The following AKR1C1 variants were observed in gnomAD, a reference collection of about 807,000 sequenced individuals.
The protein encoded by AKR1C1 is aldo-keto reductase family 1 member C1.
AKR1C1 carries 32 observed loss-of-function variants against 40.6 expected under a neutral mutation model. The ratio of observed to expected loss-of-function variants is 0.79; its 90% CI spans 0.60 to 1.06. AKR1C1 has a LOEUF of 1.06. Among genes scored for constraint, AKR1C1 ranks in the 50% least tolerant of loss-of-function variants. AKR1C1 has a pLI of 0.00. For synonymous variants in AKR1C1, 105 were observed against 134.2 expected (o/e 0.78, Z 1.50); for missense variants, 320 against 363.5 (o/e 0.88, Z 0.97).
At chr10:4,974,427 T>C (rs1249154400) in intron 7 of AKR1C1, among the ~76,000 whole-genome samples, 1 of 152,092 alleles carries the variant, frequency 6.6e-6, no homozygotes, top group Non-Finnish European at 1.5e-5. Flanking sequence ...AACAAAAGTT[T>C]CTATCCTTCA....
intron 5 of AKR1C1, chr10:4,969,649 C>A: frequency 6.2e-7 from 1 of 1,607,268 alleles, no homozygotes; most frequent in Non-Finnish European, 8.5e-7. Context: ...TTAAACACAT[C>A]TATTCTCTAT....
At chr10:4,975,519 T>C (rs1186080890) in intron 7 of AKR1C1, among the ~76,000 whole-genome samples, 1 of 152,168 alleles carries the variant, frequency 6.6e-6, no homozygotes, top group Non-Finnish European at 1.5e-5. Context: ...CATTACAAAA[T>C]TTGCCTCTAG....
intron 3 of AKR1C1, 179 bp from the exon 4 acceptor site, chr10:4,968,130 C>G (rs1039993748): frequency 2.8e-6 from 3 of 1,075,358 alleles, no homozygotes; most frequent in East Asian, 2.6e-5. Context: ...TTAGAGGGAG[C>G]CTGTCACCTG....
intron 2 of AKR1C1, 101 bp downstream of exon 2, chr10:4,966,182 T>C: frequency 6.7e-7 from 1 of 1,503,232 alleles, no homozygotes; most frequent in Non-Finnish European, 8.9e-7. Flanking sequence ...GAATTGTGCT[T>C]ATTTATTACG....
At chr10:4,966,860 G>A in intron 2 of AKR1C1, 67 bp from the exon 3 acceptor site, 4 of 1,413,034 alleles carry the variant, frequency 2.8e-6, no homozygotes, top group Non-Finnish European at 2.9e-6. Flanking sequence ...CTAAATATTA[G>A]GTGGAGCAAA....
At chr10:4,967,475 T>C in intron 3 of AKR1C1, 1 of 989,882 alleles carries the variant, frequency 1.0e-6, no homozygotes, top group Non-Finnish European at 1.2e-6. Flanking sequence ...CGGGAGTGTC[T>C]TAAACTACAG....
intron 7 of AKR1C1, among the ~76,000 whole-genome samples, chr10:4,973,074 C>T (rs1229404961): frequency 2.6e-5 from 4 of 151,930 alleles, no homozygotes; most frequent in South Asian, 2.1e-4. Flanking sequence ...CAACTCATGG[C>T]GGATTTTTCT....
At chr10:4,973,347 A>T (rs1836469663) in intron 7 of AKR1C1, among the ~76,000 whole-genome samples, 1 of 152,130 alleles carries the variant, frequency 6.6e-6, no homozygotes. Context: ...AACTCAGTCC[A>T]TTCCTTCTGT....
chr10:4,983,085 T>C lies in AKR1C1; in HGVS notation c.*5343T>C. On this transcript the variant is annotated 3_prime_UTR_variant, in exon 9 of 9. Coordinates refer to ENST00000380872, the MANE Select transcript of AKR1C1 (RefSeq NM_001353.6). ...TGAGGTGAAGCCTGGGCTGGATGGC[T>C]GGAGGATGAAGAACTGCACGGAGGA... 2.9e-6 allele frequency: 1 copy of C among 348,658 alleles called. No homozygotes were observed. The highest frequency in any genetic ancestry group is 2.3e-5 in the South Asian group (1 of 43,558). The allele number at this position is 348,658 out of a possible 1,614,324, so 21.6% of individuals were successfully genotyped here.
chr10:4,968,340 A>G lies in AKR1C1; in HGVS notation c.401A>G (p.Asn134Ser), dbSNP rs1241860037. 1.1e-5 allele frequency: 18 copies of G among 1,572,150 alleles called. No individual in the cohort carries two copies. The highest frequency in any genetic ancestry group is 1.0e-5 in the Non-Finnish European group (12 of 1,154,498). Residue 134 changes from asparagine (N) to serine (S), a missense_variant, in exon 4 of 9, where the codon AAT (asparagine) becomes AGT (serine). By Grantham distance (46) the Asn-to-Ser change is conservative. Around this residue, in one of 3 missense-constraint regions of AKR1C1, gnomAD observed 214 missense variants for 214.8 expected, o/e 1.00. Transcript: ENST00000380872. ...PGEEVIPKDE[N>S]GKILFDTVDL... ...GAGGAAGTGATCCCAAAAGATGAAAATGGAAAAATACTATTTGACACAGTG... is the reference window on the plus strand; with the variant it reads ...GAGGAAGTGATCCCAAAAGATGAAAGTGGAAAAATACTATTTGACACAGTG...
At chr10:4,971,512 T>C in intron 5 of AKR1C1, among the ~76,000 whole-genome samples, 1 of 115,538 alleles carries the variant, frequency 8.7e-6, no homozygotes, top group East Asian at 2.9e-4. Flanking sequence ...ATATTATATA[T>C]ATATATATAT....
rs1836440540 is a variant in AKR1C1, at chr10:4,972,220, T to C, written c.590T>C (p.Phe197Ser). 1.9e-6 allele frequency: 3 copies of C among 1,613,730 alleles called. No individual in the cohort carries two copies. The highest frequency in any genetic ancestry group is 2.5e-6 in the Non-Finnish European group (3 of 1,179,960). Residue 197 changes from phenylalanine to serine, a missense_variant, in exon 6 of 9, where the codon TTC (phenylalanine) becomes TCC (serine). This residue lies in a region of AKR1C1 where 77 missense variants were observed against 125.3 expected (regional missense o/e 0.61). Transcript: ENST00000380872. ...CTGCAGGTGGAATGTCATCCTTACTTCAACCAGAGAAAACTGCTGGATTTC... is the reference window on the plus strand; with the variant it reads ...CTGCAGGTGGAATGTCATCCTTACTCCAACCAGAGAAAACTGCTGGATTTC... ...VCNQVECHPY[F>S]NQRKLLDFCK...
At chr10:4,966,342 T>C (rs548331889) in intron 2 of AKR1C1, among the ~76,000 whole-genome samples, 392 of 152,358 alleles carry the variant, frequency 2.6e-3, no homozygotes, top group Non-Finnish European at 4.2e-3. Flanking sequence ...ACATAGACTA[T>C]AGAATCAGAA....
rs539783533 is a variant in AKR1C1, at chr10:4,968,173, C to G, written c.370-136C>G. On this transcript the variant is annotated intron_variant, in intron 3 of 8. Transcript: ENST00000380872. ...TCCTTATACCTTCATATGTAGTACACTCTGTACATACCACTCTCTGGAGCA... is the reference window on the plus strand; with the variant it reads ...TCCTTATACCTTCATATGTAGTACAGTCTGTACATACCACTCTCTGGAGCA... 1.1e-5 allele frequency: 13 copies of G among 1,183,778 alleles called. 4 individuals are homozygous for G. Among genetic ancestry groups the G allele is most frequent in the Non-Finnish European group, 1.6e-5 (13 of 829,696 alleles). 73.3% of individuals were successfully genotyped at this position (1,183,778 alleles called of 1,614,324 possible). A position where few individuals can be genotyped will look rare whatever the true frequency, so the allele number is the denominator to read the frequency against.
At chr10:4,973,116 T>A (rs187786848) in intron 7 of AKR1C1, among the ~76,000 whole-genome samples, 1 of 151,138 alleles carries the variant, frequency 6.6e-6, no homozygotes, top group South Asian at 2.1e-4. Context: ...AAATTCCTTA[T>A]ATTTATTCTC....
intron 1 of AKR1C1, among the ~76,000 whole-genome samples, chr10:4,964,131 TATC>T (rs1232117367): frequency 1.3e-5 from 2 of 152,340 alleles, no homozygotes; most frequent in Non-Finnish European, 2.9e-5. Flanking sequence ...GTCAAATTTG[TATC>T]AAAATATTGT....
At position 4,970,972 on chromosome 10, in the gene AKR1C1, A is replaced by AC. The variant is rs1491301407; in HGVS notation, c.571-1229_571-1228insC. On this transcript the variant is annotated intron_variant, in intron 5 of 8. Transcript: ENST00000380872. ...ACTTAAAGTATAATAAAAAAAAAAA[A>AC]ACTTGGTTAAGCTAACAGTGGTCAG... is the stretch of plus-strand genomic sequence containing the variant. Among the ~76,000 whole-genome samples the AC allele has an allele frequency of 3.5e-3, 529 of 151,280 alleles. 5 individuals carry two copies. Among genetic ancestry groups the AC allele is most frequent in the African/African-American group, 0.011 (453 of 41,120 alleles).
At chr10:4,969,700 T>C in intron 5 of AKR1C1, 1 of 1,612,258 alleles carries the variant, frequency 6.2e-7, no homozygotes, top group East Asian at 2.2e-5. Context: ...ATCTTTTCCT[T>C]GAGTCCTGAC....
chr10:4,966,169 G>C (rs1286301064), intron 2 of AKR1C1, 88 bp downstream of exon 2: 1 of 1,512,400 alleles, frequency 6.6e-7, no homozygotes, highest in African/African-American at 1.4e-5. Flanking sequence ...CATAGTATAG[G>C]GTGAATTGTG....
Sources: allele counts gnomAD v4.1 joint callset (sites outside exome capture counted in the v4.1 genomes callset), GRCh38; gene constraint gnomAD v4.1.1; regional missense constraint gnomAD v4.1.1; transcripts MANE v1.5; gene names NCBI Gene and HGNC (gene_info 2026-07-23, HGNC 2026-07-21).